Variants in FUT8 observed in about 807,000 individuals in gnomAD.
FUT8 encodes alpha-(1,6)-fucosyltransferase.
Under a neutral mutation model 71.3 loss-of-function variants are expected in FUT8, and 29 were observed. The ratio of observed to expected loss-of-function variants is 0.41; its 90% CI spans 0.30 to 0.55. FUT8 has a LOEUF of 0.55. Ranked by LOEUF, FUT8 falls within the 20% of genes least tolerant of loss-of-function variation. FUT8 has a pLI of 0.34. For synonymous variants in FUT8, 254 were observed against 239.3 expected (o/e 1.06, Z -0.57); for missense variants, 544 against 702.1 (o/e 0.77, Z 2.55).
intron 3 of FUT8, among the ~76,000 whole-genome samples, chr14:65,604,552 A>G (rs1295552055): frequency 2.0e-5 from 3 of 151,940 alleles, no homozygotes; most frequent in African/African-American, 7.2e-5. Flanking sequence ...CTCAAACTGA[A>G]CAATAATAGT....
At chr14:65,664,607 G>T (rs139864862) in intron 6 of FUT8, among the ~76,000 whole-genome samples, 1 of 152,248 alleles carries the variant, frequency 6.6e-6, no homozygotes, top group African/African-American at 2.4e-5. Flanking sequence ...AATATGAAAG[G>T]TACTTCTTCT....
the FUT8 span, among the ~76,000 whole-genome samples, chr14:65,404,779 T>C: frequency 6.6e-6 from 1 of 152,222 alleles, no homozygotes; most frequent in Non-Finnish European, 1.5e-5. Context: ...GGCGCCGGCC[T>C]TGCTCCTTTT....
the FUT8 span, among the ~76,000 whole-genome samples, chr14:65,388,668 A>C: frequency 6.6e-6 from 1 of 152,134 alleles, no homozygotes; most frequent in Admixed American, 6.6e-5. Flanking sequence ...AGGCTGAGGC[A>C]GGAGAATTGC....
intron 2 of FUT8, among the ~76,000 whole-genome samples, chr14:65,526,281 T>G (rs750992579): frequency 2.4e-4 from 37 of 152,240 alleles, no homozygotes; most frequent in Non-Finnish European, 4.3e-4. Flanking sequence ...TATAGTTAGC[T>G]CTTCTTGTTG....
chr14:65,540,512 T>C (rs1344487704), intron 2 of FUT8, among the ~76,000 whole-genome samples: 2 of 152,212 alleles, frequency 1.3e-5, no homozygotes, highest in Admixed American at 1.3e-4. Flanking sequence ...GCCAGGCATC[T>C]AGAGTGGTGG....
At chr14:65,453,015 G>A (rs781146034) in intron 1 of FUT8, among the ~76,000 whole-genome samples, 6 of 151,478 alleles carry the variant, frequency 4.0e-5, no homozygotes, top group Non-Finnish European at 8.8e-5. Context: ...TTTCCTTCTG[G>A]CTCTGTTTTC....
chr14:65,432,487 G>C (rs1204809968), intron 1 of FUT8, among the ~76,000 whole-genome samples: 2 of 149,562 alleles, frequency 1.3e-5, no homozygotes, highest in Admixed American at 6.7e-5. Context: ...TCATTCGCTT[G>C]TCAAACTATC....
chr14:65,692,466 CA>C (rs1426808535), intron 7 of FUT8, among the ~76,000 whole-genome samples: 1,107 of 92,274 alleles, frequency 0.012, 40 homozygotes, highest in East Asian at 0.076. Flanking sequence ...CTGACCCCCC[CA>C]CCTCCCTCCC....
At chr14:65,376,036 A>G in the FUT8 span, among the ~76,000 whole-genome samples, 3 of 151,588 alleles carry the variant, frequency 2.0e-5, no homozygotes, top group East Asian at 5.8e-4. Context: ...GGTTGCAGCA[A>G]GCCAAGATCA....
chr14:65,666,439 A>G (rs1892219048), intron 6 of FUT8, among the ~76,000 whole-genome samples: 2 of 152,138 alleles, frequency 1.3e-5, no homozygotes, highest in Non-Finnish European at 2.9e-5. Flanking sequence ...TACAAGAAAA[A>G]GATAAATTCC....
intron 5 of FUT8, among the ~76,000 whole-genome samples, chr14:65,626,212 C>A (rs759829267): frequency 6.0e-5 from 9 of 149,142 alleles, no homozygotes; most frequent in Non-Finnish European, 1.2e-4. Flanking sequence ...TCTCTGAGGA[C>A]CTCTAGCATT....
intron 2 of FUT8, among the ~76,000 whole-genome samples, chr14:65,459,947 A>G (rs560071698): frequency 5.3e-4 from 81 of 152,354 alleles, no homozygotes; most frequent in Non-Finnish European, 9.8e-4. Context: ...TACAATGAAA[A>G]TAGGATCCAA....
chr14:65,504,240 G>T (rs1301992163), intron 2 of FUT8, among the ~76,000 whole-genome samples: 2 of 152,076 alleles, frequency 1.3e-5, no homozygotes, highest in African/African-American at 4.8e-5. Flanking sequence ...TAAATTTGTT[G>T]ACATTTGGTG....
the FUT8 span, among the ~76,000 whole-genome samples, chr14:65,392,936 G>A: frequency 1.1e-4 from 16 of 152,280 alleles, no homozygotes; most frequent in South Asian, 2.1e-4. Context: ...TACCTGGGGC[G>A]TACTGAAAAA....
chr14:65,389,833 A>C, the FUT8 span, among the ~76,000 whole-genome samples: 20,306 of 151,382 alleles, frequency 0.13, 2,017 homozygotes, highest in East Asian at 0.54. Flanking sequence ...AAGGAAAAAG[A>C]AACATGCATA....
intron 10 of FUT8, among the ~76,000 whole-genome samples, chr14:65,739,722 T>C (rs1048599265): frequency 4.6e-5 from 7 of 152,010 alleles, no homozygotes; most frequent in African/African-American, 1.7e-4. Flanking sequence ...TTTCTGGTGT[T>C]ACAATATGAA....
chr14:65,418,757 C>T (rs920587459), intron 1 of FUT8, among the ~76,000 whole-genome samples: 2 of 152,068 alleles, frequency 1.3e-5, no homozygotes, highest in Admixed American at 6.6e-5. Context: ...GTAAGAAATG[C>T]GGGAATTGAC....
chr14:65,715,598 A>G (rs1566912125), intron 7 of FUT8, among the ~76,000 whole-genome samples: 2 of 152,226 alleles, frequency 1.3e-5, no homozygotes, highest in African/African-American at 2.4e-5. Flanking sequence ...ACTTACTGCT[A>G]TAAACTTCTC....
intron 2 of FUT8, among the ~76,000 whole-genome samples, chr14:65,517,845 T>A (rs1234198826): frequency 6.6e-6 from 1 of 152,208 alleles, no homozygotes; most frequent in Non-Finnish European, 1.5e-5. Flanking sequence ...ACTACATATA[T>A]GTTTCAAGGT....
Sources: gnomAD v4.1 joint callset for allele counts (sites outside exome capture counted in the v4.1 genomes callset) on GRCh38, gnomAD v4.1.1 for gene constraint, MANE v1.5 for transcripts, NCBI Gene and HGNC (gene_info 2026-07-23, HGNC 2026-07-21) for gene names.